Variants in CYRIA observed in about 807,000 individuals in gnomAD.
CYRIA encodes the protein CYFIP related Rac1 interactor A.
A neutral mutation model predicts 43.9 loss-of-function variants in CYRIA; 15 were observed. The observed-to-expected ratio is 0.34, with a 90% CI of 0.23 to 0.53. The LOEUF is 0.53. Ranked by LOEUF, CYRIA falls within the 20% of genes least tolerant of loss-of-function variation. The probability of loss-of-function intolerance (pLI) is 0.94; values close to 1 mark genes in which losing one functional copy is unlikely to be tolerated. For synonymous variants in CYRIA, 117 were observed against 136.0 expected (o/e 0.86, Z 0.97); for missense variants, 236 against 394.2 (o/e 0.60, Z 3.40).
intron 2 of CYRIA, among the ~76,000 whole-genome samples, chr2:16,618,119 C>G (rs13385971): frequency 0.25 from 38,034 of 151,994 alleles, 5,773 homozygotes; most frequent in East Asian, 0.67. Flanking sequence ...GCTTCCTTGG[C>G]GAGGTAGTCT....
intron 2 of CYRIA, among the ~76,000 whole-genome samples, chr2:16,617,407 T>C (rs1282342954): frequency 1.3e-5 from 2 of 152,178 alleles, no homozygotes; most frequent in South Asian, 2.1e-4. Context: ...CAGAGAAAGG[T>C]AGGCTTGCCA....
intron 1 of CYRIA, among the ~76,000 whole-genome samples, chr2:16,658,245 G>A (rs1307348389): frequency 3.3e-5 from 5 of 152,124 alleles, no homozygotes; most frequent in Non-Finnish European, 7.4e-5. Context: ...ACTATGTGGG[G>A]CTTTTTCAGG....
chr2:16,573,058 C>T (rs1046080146), intron 3 of CYRIA, among the ~76,000 whole-genome samples: 3 of 152,174 alleles, frequency 2.0e-5, no homozygotes, highest in African/African-American at 7.2e-5. Flanking sequence ...ACACTAAGAA[C>T]CCACACCCCA....
chr2:16,628,116 TC>T (rs1224935603), intron 1 of CYRIA, among the ~76,000 whole-genome samples: 3 of 152,186 alleles, frequency 2.0e-5, no homozygotes, highest in Non-Finnish European at 4.4e-5. Flanking sequence ...TCTCACCATT[TC>T]TACAATGAAG....
chr2:16,616,423 G>C (rs1353519726), intron 2 of CYRIA, among the ~76,000 whole-genome samples: 1 of 152,072 alleles, frequency 6.6e-6, no homozygotes, highest in East Asian at 1.9e-4. Flanking sequence ...AGCCTTCCCT[G>C]GCTCCCCCGG....
At chr2:16,639,041 A>AAG (rs1669595494) in intron 1 of CYRIA, among the ~76,000 whole-genome samples, 1 of 152,272 alleles carries the variant, frequency 6.6e-6, no homozygotes, top group Non-Finnish European at 1.5e-5. Context: ...AGAAAATCTC[A>AAG]GAACTTTAAA....
chr2:16,572,783 T>A (rs2103430397), intron 3 of CYRIA, among the ~76,000 whole-genome samples: 1 of 152,260 alleles, frequency 6.6e-6, no homozygotes, highest in Middle Eastern at 3.4e-3. Flanking sequence ...TTAATGTGAG[T>A]TTGTCTTGCA....
At chr2:16,553,958 G>T (rs2103397662) in intron 11 of CYRIA, among the ~76,000 whole-genome samples, 1 of 152,216 alleles carries the variant, frequency 6.6e-6, no homozygotes, top group Middle Eastern at 3.4e-3. Context: ...GACTCTGGAA[G>T]GCTCTTACAT....
At chr2:16,643,179 C>T (rs1020283030) in intron 1 of CYRIA, among the ~76,000 whole-genome samples, 5 of 151,916 alleles carry the variant, frequency 3.3e-5, no homozygotes, top group African/African-American at 1.2e-4. Flanking sequence ...TATGTCTTAT[C>T]CTTACTGCCT....
chr2:16,601,241 A>C (rs1668195187), intron 2 of CYRIA, among the ~76,000 whole-genome samples: 1 of 152,138 alleles, frequency 6.6e-6, no homozygotes, highest in East Asian at 1.9e-4. Context: ...TCGATAGAAG[A>C]AGCAAGCTGC....
rs1397493158 is a variant in CYRIA, at chr2:16,587,336, T to C, written c.70+714A>G. On this transcript the variant is annotated intron_variant, in intron 3 of 11. Coordinates refer to ENST00000381323, the MANE Select transcript of CYRIA (RefSeq NM_030797.4). ...CATAAACATTTTTAGGAAAAATACA[T>C]GATGGTTTTCTTCACATCTTTTTTC... 3.3e-5 allele frequency among the ~76,000 whole-genome samples: 5 copies of C among 152,146 alleles called. No individual in the cohort carries two copies. In the East Asian group the frequency reaches 9.6e-4, roughly 29 times the overall value.
intron 10 of CYRIA, among the ~76,000 whole-genome samples, chr2:16,556,587 G>A (rs1417854126): frequency 6.6e-6 from 1 of 152,166 alleles, no homozygotes; most frequent in Admixed American, 6.5e-5. Flanking sequence ...TGCAGTTGGG[G>A]CCAGATGCAG....
chr2:16,601,314 T>C (rs1668198344), intron 2 of CYRIA, among the ~76,000 whole-genome samples: 1 of 151,648 alleles, frequency 6.6e-6, no homozygotes, highest in Non-Finnish European at 1.5e-5. Flanking sequence ...GCTGAGGGGG[T>C]TGGGGGGGAT....
chr2:16,600,948 C>T (rs752571704), intron 2 of CYRIA, among the ~76,000 whole-genome samples: 2 of 152,218 alleles, frequency 1.3e-5, no homozygotes, highest in South Asian at 4.1e-4. Context: ...GAAGACTATG[C>T]TCTTTTCTGC....
At chr2:16,661,219 G>T (rs1043813650) in intron 1 of CYRIA, among the ~76,000 whole-genome samples, 9 of 152,226 alleles carry the variant, frequency 5.9e-5, no homozygotes, top group African/African-American at 1.9e-4. Context: ...AGGCTGCAGT[G>T]AGCCATGATG....
chr2:16,592,205 A>G (rs1284402009), intron 2 of CYRIA, among the ~76,000 whole-genome samples: 1 of 152,212 alleles, frequency 6.6e-6, no homozygotes, highest in Non-Finnish European at 1.5e-5. Flanking sequence ...ACCAAGAGGT[A>G]TGATATAAAT....
rs11887868 is a variant in CYRIA, at chr2:16,613,463, A to C, written c.-11+10401T>G. Among the ~76,000 whole-genome samples the C allele has an allele frequency of 3.4e-3, 522 of 152,368 alleles. 6 individuals are homozygous for C. The highest frequency in any genetic ancestry group is 0.034 in the South Asian group (163 of 4,826). ...CTACACTAACAGCAGCCATTCGCTG[A>C]GTGTCAGCCCTGCACTCGATGCTAT... On this transcript the variant is annotated intron_variant, in intron 2 of 11. Coordinates refer to ENST00000381323, the MANE Select transcript of CYRIA (RefSeq NM_030797.4).
chr2:16,620,325 G>C (rs1668952000), intron 2 of CYRIA, among the ~76,000 whole-genome samples: 1 of 152,182 alleles, frequency 6.6e-6, no homozygotes, highest in South Asian at 2.1e-4. Context: ...CCAGTTCTAA[G>C]AGAAACAAAA....
At chr2:16,624,457 T>C (rs117989284) in intron 1 of CYRIA, among the ~76,000 whole-genome samples, 1,973 of 152,322 alleles carry the variant, frequency 0.013, 64 homozygotes, top group East Asian at 0.065. Flanking sequence ...GCTAAATTAG[T>C]AAAACAGCCC....
Sources: gnomAD v4.1 joint callset for allele counts (sites outside exome capture counted in the v4.1 genomes callset) on GRCh38, gnomAD v4.1.1 for gene constraint, MANE v1.5 for transcripts, NCBI Gene and HGNC (gene_info 2026-07-23, HGNC 2026-07-21) for gene names.